The following DIAPH1 variants were observed in gnomAD, a reference collection of about 807,000 sequenced individuals.
DIAPH1 encodes diaphanous related formin 1, also known as protein diaphanous homolog 1.
DIAPH1 carries 46 observed loss-of-function variants against 140.7 expected under a neutral mutation model. The observed-to-expected ratio is 0.33, with a 90% confidence interval of 0.26 to 0.42. The LOEUF (loss-of-function observed/expected upper bound fraction) is 0.42, where lower values mean the gene tolerates loss of function less well. Among genes scored for constraint, DIAPH1 ranks in the 10% least tolerant of loss-of-function variants. The pLI, the probability that DIAPH1 is intolerant of heterozygous loss-of-function variation, is 1.00. For synonymous variants in DIAPH1, 565 were observed against 551.6 expected (o/e 1.02, Z -0.34); for missense variants, 1,310 against 1,558.7 (o/e 0.84, Z 2.69).
At chr5:141,532,060 T>C (rs981941123) in intron 19 of DIAPH1, among the ~76,000 whole-genome samples, 4 of 152,254 alleles carry the variant, frequency 2.6e-5, no homozygotes, top group African/African-American at 9.6e-5. Context: ...ATTTAAACTT[T>C]ACTCAGTTGT....
At chr5:141,529,402 A>G (rs2099887875) in intron 20 of DIAPH1, 129 bp from the exon 21 acceptor site, 1 of 924,058 alleles carries the variant, frequency 1.1e-6, no homozygotes, top group Non-Finnish European at 1.8e-6. Flanking sequence ...ATGGTGGGAG[A>G]AGAGAGGCAG....
intron 7 of DIAPH1, among the ~76,000 whole-genome samples, chr5:141,581,275 T>C (rs2099896718): frequency 6.6e-6 from 1 of 152,134 alleles, no homozygotes; most frequent in Non-Finnish European, 1.5e-5. Context: ...ATGGAACATA[T>C]TACCATATAC....
chr5:141,563,189 T>G (rs1385667033), intron 18 of DIAPH1: 1 of 152,218 alleles, frequency 6.6e-6, no homozygotes, highest in African/African-American at 2.4e-5. Flanking sequence ...GCTAGTTCAC[T>G]GACCACAGAG....
intron 18 of DIAPH1, among the ~76,000 whole-genome samples, chr5:141,547,010 CA>C (rs2099890897): frequency 1.3e-5 from 2 of 152,148 alleles, no homozygotes; most frequent in South Asian, 4.1e-4. Flanking sequence ...ATCATTTGCC[CA>C]AAGTTCAAGG....
At chr5:141,529,338 T>G in intron 20 of DIAPH1, 65 bp from the exon 21 acceptor site, 1 of 1,300,520 alleles carries the variant, frequency 7.7e-7, no homozygotes, top group Non-Finnish European at 1.1e-6. Flanking sequence ...CTAAACAACT[T>G]TTACTCTGTT....
At chr5:141,585,865 CA>C (rs1294276373) in intron 3 of DIAPH1, among the ~76,000 whole-genome samples, 1 of 152,114 alleles carries the variant, frequency 6.6e-6, no homozygotes, top group Admixed American at 6.5e-5. Flanking sequence ...GTGATTTGAA[CA>C]AACTGGTTTT....
chr5:141,616,803 C>T (rs544031719), intron 1 of DIAPH1, among the ~76,000 whole-genome samples: 29 of 152,082 alleles, frequency 1.9e-4, no homozygotes, highest in Non-Finnish European at 3.8e-4. Flanking sequence ...AGACTAACAC[C>T]GCAGAAAGAA....
chr5:141,551,459 C>T (rs1031810127), intron 18 of DIAPH1, among the ~76,000 whole-genome samples: 2 of 151,904 alleles, frequency 1.3e-5, no homozygotes, highest in Non-Finnish European at 2.9e-5. Flanking sequence ...AAAAAGGCAT[C>T]GTGTCTAACT....
intron 8 of DIAPH1, among the ~76,000 whole-genome samples, chr5:141,579,617 T>C (rs1175723185): frequency 6.6e-6 from 1 of 152,114 alleles, no homozygotes; most frequent in Non-Finnish European, 1.5e-5. Flanking sequence ...TTTGTAAAAA[T>C]GATCACCTAG....
chr5:141,552,949 C>G (rs2099891964), intron 18 of DIAPH1, among the ~76,000 whole-genome samples: 1 of 152,210 alleles, frequency 6.6e-6, no homozygotes, highest in Non-Finnish European at 1.5e-5. Context: ...GTCTGTGGCA[C>G]TCTCTTACGG....
At chr5:141,548,997 C>T (rs2099891268) in intron 18 of DIAPH1, among the ~76,000 whole-genome samples, 1 of 151,600 alleles carries the variant, frequency 6.6e-6, no homozygotes, top group African/African-American at 2.4e-5. Context: ...TAAATTAATC[C>T]GTAAGAGGGC....
At chr5:141,552,899 A>C (rs2099891957) in intron 18 of DIAPH1, among the ~76,000 whole-genome samples, 1 of 152,226 alleles carries the variant, frequency 6.6e-6, no homozygotes, top group African/African-American at 2.4e-5. Context: ...TCAAGCCTCC[A>C]GAACTGTGAG....
intron 18 of DIAPH1, chr5:141,560,793 TAAGAG>T (rs1368146444): frequency 2.2e-6 from 1 of 454,906 alleles, no homozygotes; most frequent in African/African-American, 2.0e-5. Context: ...AGTAACAGGG[TAAGAG>T]CAGAACAAAG....
At chr5:141,527,544 A>C in intron 24 of DIAPH1, 29 bp downstream of exon 24, 1 of 1,613,222 alleles carries the variant, frequency 6.2e-7, no homozygotes, top group Non-Finnish European at 8.5e-7. Flanking sequence ...CTTCCTAGGG[A>C]ACAACTCCCT....
chr5:141,609,229 C>T (rs921849549), intron 1 of DIAPH1, among the ~76,000 whole-genome samples: 1 of 144,016 alleles, frequency 6.9e-6, no homozygotes, highest in Non-Finnish European at 1.5e-5. Context: ...AAGCCTAGTA[C>T]TTTTTTCCTG....
intron 1 of DIAPH1, among the ~76,000 whole-genome samples, chr5:141,593,835 T>C (rs2099898877): frequency 6.6e-6 from 1 of 152,178 alleles, no homozygotes; most frequent in Non-Finnish European, 1.5e-5. Context: ...TTTTTTTCTT[T>C]TTGAGATGGA....
intron 18 of DIAPH1, among the ~76,000 whole-genome samples, chr5:141,554,589 A>G (rs967494630): frequency 5.9e-5 from 9 of 152,194 alleles, no homozygotes; most frequent in African/African-American, 2.2e-4. Context: ...CACTATCAAA[A>G]TGTGAAAGAA....
chr5:141,583,671 G>A (rs2099897103), intron 4 of DIAPH1, 56 bp from the exon 5 acceptor site: 1 of 1,601,158 alleles, frequency 6.2e-7, no homozygotes, highest in South Asian at 1.1e-5. Flanking sequence ...ATAAATTAAG[G>A]ACTAGTATTA....
At chr5:141,575,197 A>G in intron 14 of DIAPH1, 51 bp from the exon 15 acceptor site, 1 of 1,592,350 alleles carries the variant, frequency 6.3e-7, no homozygotes, top group Admixed American at 1.7e-5. Flanking sequence ...CTCAGTAAGA[A>G]GCACAAGTAT....
Sources: allele counts gnomAD v4.1 joint callset (sites outside exome capture counted in the v4.1 genomes callset), GRCh38; gene constraint gnomAD v4.1.1; transcripts MANE v1.5; gene names NCBI Gene and HGNC (gene_info 2026-07-23, HGNC 2026-07-21).